The following CHST15 variants were observed in gnomAD, a reference collection of about 807,000 sequenced individuals.
The protein encoded by CHST15 is B cell RAG associated protein (GALNAC4S-6ST).
Under a neutral mutation model 53.6 loss-of-function variants are expected in CHST15, and 30 were observed. The ratio of observed to expected loss-of-function variants is 0.56; its 90% CI spans 0.42 to 0.76. CHST15 has a LOEUF of 0.76. CHST15 is among the 30% of genes least tolerant of loss of function. The pLI, the probability that CHST15 is intolerant of heterozygous loss-of-function variation, is 0.00. For synonymous variants in CHST15, 296 were observed against 289.8 expected, an observed-to-expected ratio of 1.02 and a Z score of -0.22; for missense variants, 627 against 740.5, an observed-to-expected ratio of 0.85 and a Z score of 1.78.
chr10:124,062,011 TA>T (rs57594474), intron 1 of CHST15, among the ~76,000 whole-genome samples: 38,714 of 141,920 alleles, frequency 0.27, 4,960 homozygotes, highest in Middle Eastern at 0.39. Flanking sequence ...TATAAATCAT[TA>T]AAAAAAAAAA....
intron 1 of CHST15, among the ~76,000 whole-genome samples, chr10:124,069,032 T>G (rs1948831763): frequency 6.6e-6 from 1 of 152,158 alleles, no homozygotes; most frequent in South Asian, 2.1e-4. Flanking sequence ...TGGGGTCAGA[T>G]GTGAATCAGA....
At chr10:124,082,705 G>A (rs914250306) in intron 1 of CHST15, among the ~76,000 whole-genome samples, 1 of 152,198 alleles carries the variant, frequency 6.6e-6, no homozygotes, top group African/African-American at 2.4e-5. Flanking sequence ...TGAAACTGTG[G>A]TCTATCCCTG....
At chr10:124,026,350 C>T (rs550225062) in intron 5 of CHST15, among the ~76,000 whole-genome samples, 14 of 152,274 alleles carry the variant, frequency 9.2e-5, no homozygotes, top group African/African-American at 4.8e-5. Flanking sequence ...GACTACTCTC[C>T]AGGGGAAAAG....
chr10:124,080,126 C>T (rs925087719), intron 1 of CHST15, among the ~76,000 whole-genome samples: 2 of 152,278 alleles, frequency 1.3e-5, no homozygotes, highest in African/African-American at 2.4e-5. Context: ...TGCAGGCCAG[C>T]GAGCATCGGA....
At chr10:124,026,324 C>G (rs1430730263) in intron 5 of CHST15, among the ~76,000 whole-genome samples, 1 of 152,218 alleles carries the variant, frequency 6.6e-6, no homozygotes, top group Non-Finnish European at 1.5e-5. Flanking sequence ...AGTAACAAAG[C>G]TATCATTTCC....
At position 124,012,289 on chromosome 10, in the gene CHST15, G is replaced by A. The variant is rs142620486; in HGVS notation, c.1495+44C>T. The stretch of plus-strand genomic sequence containing the variant: ...CAGAGGACTCCCAGAACAAGTCCAC[G>A]GAGCTCATGCTTTGGCCCGTCAGTC... On this transcript the variant is annotated intron_variant, in intron 7 of 7. Transcript: ENST00000435907. The A allele has an allele frequency of 6.4e-4, 1,016 of 1,587,532 alleles. 1 individual carries two copies. The highest frequency in any genetic ancestry group is 7.9e-4 in the Non-Finnish European group (920 of 1,162,866).
chr10:124,033,980 G>C (rs1947324559), intron 5 of CHST15, among the ~76,000 whole-genome samples: 1 of 152,214 alleles, frequency 6.6e-6, no homozygotes, highest in Non-Finnish European at 1.5e-5. Context: ...TGCAAGGCCT[G>C]GGTCAGCGTC....
intron 1 of CHST15, among the ~76,000 whole-genome samples, chr10:124,069,756 C>T (rs1429708013): frequency 1.3e-5 from 2 of 152,230 alleles, no homozygotes; most frequent in Non-Finnish European, 2.9e-5. Flanking sequence ...GAGCCTGGAC[C>T]TTCCCAGTCA....
chr10:124,039,869 C>G (rs904551070), intron 4 of CHST15, among the ~76,000 whole-genome samples: 12 of 152,326 alleles, frequency 7.9e-5, no homozygotes, highest in African/African-American at 2.9e-4. Context: ...CAGGACACAT[C>G]TGAAAGTTAC....
chr10:124,079,536 T>C (rs1328577118), intron 1 of CHST15, among the ~76,000 whole-genome samples: 5 of 152,140 alleles, frequency 3.3e-5, no homozygotes, highest in African/African-American at 1.2e-4. Flanking sequence ...TGCTGCCCCA[T>C]GGAGACCACG....
chr10:124,060,338 C>T (rs1357316002), intron 1 of CHST15, among the ~76,000 whole-genome samples: 1 of 149,376 alleles, frequency 6.7e-6, no homozygotes, highest in Non-Finnish European at 1.5e-5. Flanking sequence ...GTGCCAGGAT[C>T]CTCCAGGAAT....
rs546433238 is a variant in CHST15, at chr10:124,080,103, ACT to A, written c.-513+13364_-513+13365del. On this transcript the variant is annotated intron_variant, in intron 1 of 7. Coordinates refer to ENST00000435907, the MANE Select transcript of CHST15 (RefSeq NM_001270764.2). ...TTTTTTGCTAGCCCTGTTTTCTGAA[ACT>A]CTGCAGCAGCTGCAGGCCAGCGAGC... Among the ~76,000 whole-genome samples, 67 of 152,192 alleles carry A rather than the reference ACT, an allele frequency of 4.4e-4. 3 individuals are homozygous for A. The South Asian group carries it at 0.013, about 31-fold the overall frequency.
At chr10:124,073,294 G>C (rs2134169627) in intron 1 of CHST15, among the ~76,000 whole-genome samples, 1 of 152,318 alleles carries the variant, frequency 6.6e-6, no homozygotes, top group Non-Finnish European at 1.5e-5. Flanking sequence ...ATGTAGTACT[G>C]AGCAAAAGAA....
chr10:124,021,134 A>G (rs1259237609), intron 6 of CHST15, 122 bp downstream of exon 6: 1 of 1,531,170 alleles, frequency 6.5e-7, no homozygotes, highest in African/African-American at 1.4e-5. Flanking sequence ...TTTGCACATT[A>G]AAACGCTTCT....
In CHST15 at chr10:124,036,271, A is replaced by C. The variant is rs1199961791; in HGVS notation, c.1190+2244T>G. Reference sequence around the variant, plus strand: ...CCTGCTGGATGGAGGGAGACCACTCAGCAGGGCCGATTTCTGCCTCCAAAA... The same window carrying C: ...CCTGCTGGATGGAGGGAGACCACTCCGCAGGGCCGATTTCTGCCTCCAAAA... On this transcript the variant is annotated intron_variant, in intron 5 of 7. Transcript: ENST00000435907. This position sits in a 1 kb window ranked among gnomAD's most constrained non-coding sequence, Gnocchi z 5.1. 1.3e-5 allele frequency among the ~76,000 whole-genome samples: 2 copies of C among 152,182 alleles called. No homozygotes were observed. Among genetic ancestry groups the C allele is most frequent in the Admixed American group, 6.5e-5 (1 of 15,286 alleles).
intron 1 of CHST15, among the ~76,000 whole-genome samples, chr10:124,050,401 G>C (rs968740506): frequency 6.6e-6 from 1 of 152,230 alleles, no homozygotes; most frequent in Non-Finnish European, 1.5e-5. Context: ...AGAAAAGGGG[G>C]AGAGAGCAAT....
intron 6 of CHST15, chr10:124,020,701 C>T (rs1946747143): frequency 5.0e-6 from 5 of 998,516 alleles, no homozygotes; most frequent in Non-Finnish European, 6.0e-6. Flanking sequence ...AAAACTATCC[C>T]GGGGCTAAAA....
intron 1 of CHST15, among the ~76,000 whole-genome samples, chr10:124,078,363 T>C (rs1409689610): frequency 6.6e-6 from 1 of 152,244 alleles, no homozygotes; most frequent in Non-Finnish European, 1.5e-5. Flanking sequence ...AAAATGGGGA[T>C]GTTAACTGTA....
In CHST15 at chr10:124,046,282, G is replaced by T; in HGVS notation, c.-70C>A. 1.4e-6 allele frequency: 2 copies of T among 1,429,840 alleles called. No individual in the cohort carries two copies. The highest frequency in any genetic ancestry group is 2.6e-4 in the Middle Eastern group (1 of 3,844). 88.6% of individuals were successfully genotyped at this position (1,429,840 alleles called of 1,614,324 possible). On this transcript the variant is annotated 5_prime_UTR_variant, in exon 2 of 8. Coordinates refer to ENST00000435907, the MANE Select transcript of CHST15 (RefSeq NM_001270764.2). ...GGGCCCCCCACGAGTCTGGATGTCCGCAAGTCGTGCTAGAAAACCTTAAGA... is the reference window on the plus strand; with the variant it reads ...GGGCCCCCCACGAGTCTGGATGTCCTCAAGTCGTGCTAGAAAACCTTAAGA...
Sources: gnomAD v4.1 joint callset for allele counts (sites outside exome capture counted in the v4.1 genomes callset) on GRCh38, gnomAD v4.1.1 for gene constraint, Gnocchi (gnomAD v3.1) non-coding constraint, MANE v1.5 for transcripts, NCBI Gene and HGNC (gene_info 2026-07-23, HGNC 2026-07-21) for gene names.